Variants in C2orf42 observed in about 807,000 individuals in gnomAD.
The protein encoded by C2orf42 is chromosome 2 open reading frame 42, also known as uncharacterized protein C2orf42.
C2orf42 carries 44 observed loss-of-function variants against 58.9 expected under a neutral mutation model. That is an observed-to-expected ratio of 0.75 (90% confidence interval 0.59 to 0.96). The LOEUF (loss-of-function observed/expected upper bound fraction) is 0.96. C2orf42 is among the 40% of genes least tolerant of loss of function. C2orf42 has a pLI of 0.00. For missense variants in C2orf42, 630 were observed against 699.2 expected, an observed-to-expected ratio of 0.90 and a Z score of 1.12; for synonymous variants, 239 against 265.4, an observed-to-expected ratio of 0.90 and a Z score of 0.97.
intron 4 of C2orf42, among the ~76,000 whole-genome samples, chr2:70,178,428 G>A (rs1372133408): frequency 2.6e-5 from 4 of 151,794 alleles, no homozygotes; most frequent in Admixed American, 6.6e-5. Context: ...CCAACATGGC[G>A]AAACCCCGTC....
intron 5 of C2orf42, among the ~76,000 whole-genome samples, chr2:70,170,489 C>G (rs1203143849): frequency 6.6e-6 from 1 of 151,976 alleles, no homozygotes; most frequent in Non-Finnish European, 1.5e-5. Flanking sequence ...CTCAAATGAT[C>G]TGCACGCCTT....
chr2:70,169,268 C>A (rs1473502795), intron 6 of C2orf42, among the ~76,000 whole-genome samples: 1 of 151,952 alleles, frequency 6.6e-6, no homozygotes, highest in Non-Finnish European at 1.5e-5. Context: ...CACACACACA[C>A]ACACACACAC....
Position 70,179,583 on chromosome 2 carries a change from A to C in C2orf42, c.883T>G (p.Cys295Gly), listed in dbSNP as rs770958209. 1 of 1,575,040 alleles carries C rather than the reference A, an allele frequency of 6.3e-7. No individual in the cohort carries two copies. The highest frequency in any genetic ancestry group is 8.7e-7 in the Non-Finnish European group (1 of 1,145,114). The change falls in exon 4 of 10, where the codon TGT becomes GGT. Residue 295 changes from cysteine to glycine, a missense_variant. Physicochemically the swap from Cys to Gly is radical, Grantham distance 159. Coordinates refer to ENST00000264434, the MANE Select transcript of C2orf42 (RefSeq NM_017880.3). Reference protein sequence around the residue: ...GCHSESTVSACESTASKSKKR... With the variant: ...GCHSESTVSAGESTASKSKKR... ...TTTGACTTAGAGGCAGTAGACTCAC[A>C]AGCAGATACTGTTGATTCTGAATGG...
At position 70,175,490 on chromosome 2, in the gene C2orf42, C is replaced by A. The variant is rs1033265793; in HGVS notation, c.1039+183G>T. ...ATTAGTTTGCTAAGGATAATGGCCT[C>A]CAGCATAATTTAGCTTTGAGCATGA... On this transcript the variant is annotated intron_variant, in intron 5 of 9. Coordinates refer to ENST00000264434, the MANE Select transcript of C2orf42 (RefSeq NM_017880.3). 2.0e-5 allele frequency among the ~76,000 whole-genome samples: 3 copies of A among 152,164 alleles called. No homozygotes were observed. The South Asian group carries it at 6.2e-4, about 31-fold the overall frequency.
chr2:70,173,651 A>G (rs1399189126), intron 5 of C2orf42, among the ~76,000 whole-genome samples: 1 of 151,614 alleles, frequency 6.6e-6, no homozygotes, highest in Non-Finnish European at 1.5e-5. Flanking sequence ...TTTAGACAAG[A>G]TTTCATCCTG....
In C2orf42 at chr2:70,182,878, T is replaced by C. The variant is rs938810414; in HGVS notation, c.-224A>G. The C allele has an allele frequency of 1.1e-4, 16 of 152,356 alleles. No individual in the cohort carries two copies. Among genetic ancestry groups the C allele is most frequent in the African/African-American group, 3.8e-4 (16 of 41,598 alleles). 9.4% of individuals were successfully genotyped at this position (152,356 alleles called of 1,614,324 possible). ...CTTCTCCACCAGCCAATGGCAAAGC[T>C]TCTGCCCAATGTTCCGCAAATAAGA... On this transcript the variant is annotated 5_prime_UTR_variant, in exon 2 of 10. Coordinates refer to ENST00000264434, the MANE Select transcript of C2orf42 (RefSeq NM_017880.3).
intron 1 of C2orf42, among the ~76,000 whole-genome samples, chr2:70,185,989 A>C (rs1445647853): frequency 7.0e-6 from 1 of 142,142 alleles, no homozygotes; most frequent in East Asian, 2.1e-4. Context: ...CCCATCCCTA[A>C]TTGTAAAAAA....
Position 70,160,501 on chromosome 2 carries a change from T to G in C2orf42, c.1516+124A>C, listed in dbSNP as rs910740872. 4.7e-6 allele frequency: 3 copies of G among 631,932 alleles called. No individual in the cohort carries two copies. In the African/African-American group the frequency reaches 5.7e-5, roughly 12 times the overall value. The allele number at this position is 631,932 out of a possible 1,614,324, so 39.1% of individuals were successfully genotyped here. A position where few individuals can be genotyped will look rare whatever the true frequency, so the allele number is the denominator to read the frequency against. ...GAAACAAAATACCTTATCCCACGAT[T>G]GCCTTTACAAGGTGAATGAATGTGT... On this transcript the variant is annotated intron_variant, in intron 9 of 9. Coordinates refer to ENST00000264434, the MANE Select transcript of C2orf42 (RefSeq NM_017880.3).
chr2:70,179,611 A>G lies in C2orf42; in HGVS notation c.855T>C (p.Gly285=), dbSNP rs764573773. The G allele has an allele frequency of 1.3e-6, 2 of 1,533,916 alleles. No individual in the cohort carries two copies. The highest frequency in any genetic ancestry group is 2.2e-5 in the East Asian group (1 of 44,496). The change falls in exon 4 of 10, where the codon GGT becomes GGC. Residue 285 remains glycine (G), a synonymous_variant. Transcript: ENST00000264434. ...CAGATACTGTTGATTCTGAATGGCA[A>G]CCTAACTGGGGTACAATAATCTCTT... ...GLKEIIVPQL[G]CHSESTVSAC... is the part of the protein sequence containing the mutation.
chr2:70,169,793 C>A, intron 5 of C2orf42, 132 bp from the exon 6 acceptor site: 2 of 558,874 alleles, frequency 3.6e-6, no homozygotes, highest in Non-Finnish European at 6.5e-6. Flanking sequence ...GAGGTTCGCC[C>A]TTGTTGCCCA....
chr2:70,159,453 C>T (rs1008076820), intron 9 of C2orf42, among the ~76,000 whole-genome samples: 61 of 151,134 alleles, frequency 4.0e-4, no homozygotes, highest in Non-Finnish European at 6.6e-4. Flanking sequence ...CTGGGTGTGA[C>T]GGTGGGCGCC....
chr2:70,150,931 G>A (rs1041975458), intron 9 of C2orf42, among the ~76,000 whole-genome samples: 1 of 152,162 alleles, frequency 6.6e-6, no homozygotes, highest in Middle Eastern at 3.2e-3. Context: ...ATTTTTAGTA[G>A]AGATGGGGTT....
intron 8 of C2orf42, among the ~76,000 whole-genome samples, chr2:70,162,295 G>C (rs1310035053): frequency 6.6e-6 from 1 of 151,042 alleles, no homozygotes; most frequent in African/African-American, 2.4e-5. Flanking sequence ...ACAGGCATGA[G>C]CCACCTCGCC....
At chr2:70,152,662 C>G (rs1303920068) in intron 9 of C2orf42, among the ~76,000 whole-genome samples, 1 of 152,172 alleles carries the variant, frequency 6.6e-6, no homozygotes, top group Non-Finnish European at 1.5e-5. Context: ...TAGAACATCT[C>G]ACACACACCC....
intron 9 of C2orf42, among the ~76,000 whole-genome samples, chr2:70,157,412 A>G (rs1308540631): frequency 2.0e-5 from 3 of 151,802 alleles, no homozygotes; most frequent in Non-Finnish European, 4.4e-5. Context: ...CCGAGATCGC[A>G]CCACTGCACT....
At position 70,150,348 on chromosome 2, in the gene C2orf42, G is replaced by GT; in HGVS notation, c.*7dup. On this transcript the variant is annotated 3_prime_UTR_variant, in exon 10 of 10. Coordinates refer to ENST00000264434, the MANE Select transcript of C2orf42 (RefSeq NM_017880.3). The stretch of plus-strand genomic sequence containing the variant: ...TTAAGCAGCAAAAGATTATTATCTT[G>GT]TTTTGCTTTAAGGGAAAGTAATAGT... The GT allele has an allele frequency of 6.2e-7, 1 of 1,609,740 alleles. No individual in the cohort carries two copies. The highest frequency in any genetic ancestry group is 8.5e-7 in the Non-Finnish European group (1 of 1,176,974).
intron 9 of C2orf42, among the ~76,000 whole-genome samples, chr2:70,154,950 T>C (rs1672564704): frequency 6.6e-6 from 1 of 151,752 alleles, no homozygotes; most frequent in African/African-American, 2.4e-5. Context: ...GTAAGTTTAT[T>C]AAGAAAGTAA....
chr2:70,157,223 GGTGGA>G lies in C2orf42; in HGVS notation c.1516+3397_1516+3401del, dbSNP rs1672730192. Among the ~76,000 whole-genome samples, 4 of 152,218 alleles carry G rather than the reference GGTGGA, an allele frequency of 2.6e-5. No individual in the cohort carries two copies. In the South Asian group the frequency reaches 8.3e-4, roughly 32 times the overall value. On this transcript the variant is annotated intron_variant, in intron 9 of 9. Transcript: ENST00000264434. ...TAATCCCAGCACTTTGGGCGGCCGA[GGTGGA>G]TGGATCACGAGGTCAGGAGATCGAG...
intron 5 of C2orf42, among the ~76,000 whole-genome samples, chr2:70,173,267 CTTT>C (rs202063318): frequency 2.6e-3 from 246 of 95,648 alleles, no homozygotes; most frequent in Non-Finnish European, 3.9e-3. Flanking sequence ...TGCGTAAGTT[CTTT>C]TTTTTTTTTT....
Sources: allele counts gnomAD v4.1 joint callset (sites outside exome capture counted in the v4.1 genomes callset), GRCh38; gene constraint gnomAD v4.1.1; transcripts MANE v1.5; gene names NCBI Gene and HGNC (gene_info 2026-07-23, HGNC 2026-07-21).